The following GALNS variants were observed in gnomAD, a reference collection of about 807,000 sequenced individuals.
The protein encoded by GALNS is N-acetylgalactosamine-6-sulfatase.
Under a neutral mutation model 65.9 loss-of-function variants are expected in GALNS, and 65 were observed. The observed-to-expected ratio is 0.99, with a 90% confidence interval of 0.81 to 1.21. The LOEUF (loss-of-function observed/expected upper bound fraction) is 1.21, where lower values mean the gene tolerates loss of function less well. Ranked by LOEUF, GALNS falls within the 50% of genes most tolerant of loss-of-function variation. GALNS has a pLI of 0.00. For missense variants in GALNS, 776 were observed against 700.7 expected (o/e 1.11, Z -1.21); for synonymous variants, 346 against 288.9 (o/e 1.20, Z -2.00).
Position 88,836,372 on chromosome 16 carries a change from A to G in GALNS, c.567-105T>C, listed in dbSNP as rs12444543. On this transcript the variant is annotated intron_variant, in intron 5 of 13. Coordinates refer to ENST00000268695, the MANE Select transcript of GALNS (RefSeq NM_000512.5). ...CATGGGCTTCATTTAAAAGAAGGCT[A>G]GGGCTGGGCGTCATGGCTCATGCCT... 283,544 of 937,546 alleles carry G rather than the reference A, an allele frequency of 0.3. 46,140 individuals are homozygous for G. The highest frequency in any genetic ancestry group is 0.62 in the East Asian group (24,035 of 38,566). The allele number at this position is 937,546 out of a possible 1,614,324, so 58.1% of individuals were successfully genotyped here.
At chr16:88,836,824 C>G (rs1414849659) in intron 5 of GALNS, among the ~76,000 whole-genome samples, 1 of 152,180 alleles carries the variant, frequency 6.6e-6, no homozygotes, top group Non-Finnish European at 1.5e-5. Context: ...GCTGAGGGCA[C>G]GACACCAAGG....
chr16:88,856,173 C>T (rs1967855798), intron 1 of GALNS: 1 of 702,858 alleles, frequency 1.4e-6, no homozygotes, highest in South Asian at 1.5e-5. Context: ...GACATTCCAG[C>T]CTTTCAGTTC....
At chr16:88,846,509 C>CTTT (rs59223444) in intron 1 of GALNS, among the ~76,000 whole-genome samples, 316 of 88,680 alleles carry the variant, frequency 3.6e-3, no homozygotes, top group Middle Eastern at 0.014. Context: ...GCGTTTCTGG[C>CTTT]TTTTTTTTTT....
chr16:88,833,089 AAAAAAAAAAAAG>A (rs915139218), intron 8 of GALNS, among the ~76,000 whole-genome samples: 4 of 151,742 alleles, frequency 2.6e-5, no homozygotes, highest in Admixed American at 6.6e-5. Context: ...AAAAAAAAAA[AAAAAAAAAAAAG>A]AAAATATTTT....
At chr16:88,837,495 C>G in intron 5 of GALNS, 127 bp downstream of exon 5, 1 of 982,224 alleles carries the variant, frequency 1.0e-6, no homozygotes, top group Non-Finnish European at 1.6e-6. Flanking sequence ...CCTCGGTGCC[C>G]GGGGACCCAG....
At chr16:88,825,294 T>G (rs1597543165) in intron 10 of GALNS, among the ~76,000 whole-genome samples, 1 of 86,242 alleles carries the variant, frequency 1.2e-5, no homozygotes. Flanking sequence ...GGGGCTGGGG[T>G]GCCTGGGTGG....
intron 13 of GALNS, chr16:88,815,265 G>C (rs1025433696): frequency 5.1e-6 from 5 of 985,374 alleles, no homozygotes; most frequent in African/African-American, 1.7e-5. Flanking sequence ...GCTGCCAAGT[G>C]GCTGAGGGCC....
At chr16:88,826,141 G>A (rs2142995273) in intron 10 of GALNS, among the ~76,000 whole-genome samples, 1 of 151,828 alleles carries the variant, frequency 6.6e-6, no homozygotes, top group East Asian at 1.9e-4. Context: ...GAACAGGGGT[G>A]GGGCAGACAG....
chr16:88,827,930 C>A (rs1020531520), intron 9 of GALNS, among the ~76,000 whole-genome samples: 3 of 152,244 alleles, frequency 2.0e-5, no homozygotes, highest in African/African-American at 7.2e-5. Flanking sequence ...GGGGCACCCT[C>A]GCCGCCTGCA....
chr16:88,820,955 G>A (rs1245652723), intron 12 of GALNS, among the ~76,000 whole-genome samples: 1 of 152,142 alleles, frequency 6.6e-6, no homozygotes, highest in Non-Finnish European at 1.5e-5. Flanking sequence ...GGGGGCTGTT[G>A]GCTCCTCAGT....
At chr16:88,823,695 A>G (rs1261403715) in intron 11 of GALNS, among the ~76,000 whole-genome samples, 1 of 121,122 alleles carries the variant, frequency 8.3e-6, no homozygotes, top group Non-Finnish European at 1.7e-5. Context: ...GCAGGCGGCA[A>G]TGCCGGGGAC....
In GALNS at chr16:88,835,753, G is replaced by C; in HGVS notation, c.730C>G (p.Pro244Ala). The C allele has an allele frequency of 1.2e-6, 2 of 1,614,164 alleles. No individual in the cohort carries two copies. Among genetic ancestry groups the C allele is most frequent in the South Asian group, 1.1e-5 (1 of 91,090 alleles). The change falls in exon 7 of 14, where the codon CCC (proline) becomes GCC (alanine). Residue 244 changes from proline to alanine, a missense_variant. Physicochemically the swap from Pro to Ala is conservative, Grantham distance 27. Transcript: ENST00000268695. Reference sequence around the variant, plus strand: ...CCTCGCTGACTGGTGCCCAAGAAGGGTTTGGAGGCATAGACGGGTGCGTGC... The same window carrying C: ...CCTCGCTGACTGGTGCCCAAGAAGGCTTTGGAGGCATAGACGGGTGCGTGC... The part of the protein sequence containing the change: ...ATHAPVYASK[P>A]FLGTSQRGRY...
chr16:88,831,858 G>A (rs1196485193), intron 9 of GALNS, 140 bp downstream of exon 9: 2 of 730,568 alleles, frequency 2.7e-6, no homozygotes, highest in African/African-American at 1.7e-5. Context: ...CGTGGAGGCT[G>A]AGCACAGGGT....
chr16:88,824,843 G>A lies in GALNS; in HGVS notation c.1166C>T (p.Thr389Met), dbSNP rs764907627. 5.6e-6 allele frequency: 9 copies of A among 1,613,396 alleles called. No individual in the cohort carries two copies. The highest frequency in any genetic ancestry group is 2.2e-5 in the East Asian group (1 of 44,884). Residue 389 changes from threonine (T) to methionine (M), a missense_variant, in exon 11 of 14, where the codon ACG becomes ATG. Coordinates refer to ENST00000268695, the MANE Select transcript of GALNS (RefSeq NM_000512.5). ...CTGCCCGAGGGTGGCCGCCATCAGC[G>A]TGTCGCCACGGTAATAGAAGATAGG... ...DRPIFYYRGD[T>M]LMAATLGQHK...
At chr16:88,832,588 T>C (rs1338608960) in intron 8 of GALNS, among the ~76,000 whole-genome samples, 1 of 152,124 alleles carries the variant, frequency 6.6e-6, no homozygotes, top group Non-Finnish European at 1.5e-5. Context: ...GAACCATCAC[T>C]TGTGGGAAGT....
intron 13 of GALNS, among the ~76,000 whole-genome samples, chr16:88,817,647 CGAG>C (rs934525226): frequency 2.0e-5 from 3 of 152,198 alleles, no homozygotes; most frequent in African/African-American, 7.2e-5. Flanking sequence ...GTGTGGGAGT[CGAG>C]GACCAGGGGA....
chr16:88,839,677 C>T (rs895881044), intron 4 of GALNS, among the ~76,000 whole-genome samples: 1 of 152,230 alleles, frequency 6.6e-6, no homozygotes, highest in Admixed American at 6.5e-5. Context: ...GGACCCAGCC[C>T]GGGCCATCCA....
At position 88,827,096 on chromosome 16, in the gene GALNS, T is replaced by C. The variant is rs117066165; in HGVS notation, c.1003-258A>G. 9.1e-3 allele frequency: 5,271 copies of C among 580,100 alleles called. 52 individuals carry two copies. Among genetic ancestry groups the C allele is most frequent in the Non-Finnish European group, 0.014 (4,393 of 323,126 alleles). The allele number at this position is 580,100 out of a possible 1,614,324, so 35.9% of individuals were successfully genotyped here. A position where few individuals can be genotyped will look rare whatever the true frequency, so the allele number is the denominator to read the frequency against. On this transcript the variant is annotated intron_variant, in intron 9 of 13. Coordinates refer to ENST00000268695, the MANE Select transcript of GALNS (RefSeq NM_000512.5). Reference sequence around the variant, plus strand: ...CCCTTCTCTGCCTCTGTGGATCAGATGAAAGGAGAATCACAGCCCTCCCAG... The same window carrying C: ...CCCTTCTCTGCCTCTGTGGATCAGACGAAAGGAGAATCACAGCCCTCCCAG...
intron 13 of GALNS, chr16:88,817,426 G>A: frequency 1.0e-6 from 1 of 985,458 alleles, no homozygotes; most frequent in Non-Finnish European, 1.2e-6. Flanking sequence ...GCCTATGAGT[G>A]AGATCAGGTC....
Sources: allele counts gnomAD v4.1 joint callset (sites outside exome capture counted in the v4.1 genomes callset), GRCh38; gene constraint gnomAD v4.1.1; transcripts MANE v1.5; gene names NCBI Gene and HGNC (gene_info 2026-07-23, HGNC 2026-07-21).